ZNF510: variants seen among roughly 807,000 people sequenced by gnomAD.
The protein encoded by ZNF510 is zinc finger protein 510.
ZNF510 carries 15 observed loss-of-function variants against 18.1 expected under a neutral mutation model. That is an observed-to-expected ratio of 0.83 (90% confidence interval 0.55 to 1.28). The LOEUF (loss-of-function observed/expected upper bound fraction) is 1.28, where lower values mean the gene tolerates loss of function less well. Ranked by LOEUF, ZNF510 falls within the 50% of genes most tolerant of loss-of-function variation. The pLI is 0.00. For synonymous variants in ZNF510, 261 were observed against 266.4 expected (o/e 0.98, Z 0.20); for missense variants, 724 against 791.8 (o/e 0.91, Z 1.03).
rs188567818 is a variant in ZNF510, at chr9:96,757,787, A to T, written c.*991T>A. On this transcript the variant is annotated 3_prime_UTR_variant, in exon 6 of 6. Coordinates refer to ENST00000223428, the MANE Select transcript of ZNF510 (RefSeq NM_014930.3). Reference sequence around the variant, plus strand: ...GACTAATAATGGAATAATTACAACAACATGCCAGAAATGCTCTTGCAATTT... The same window carrying T: ...GACTAATAATGGAATAATTACAACATCATGCCAGAAATGCTCTTGCAATTT... The T allele has an allele frequency of 6.6e-6, 1 of 151,178 alleles. No individual in the cohort carries two copies. Among genetic ancestry groups the T allele is most frequent in the Non-Finnish European group, 1.5e-5 (1 of 68,042 alleles). 9.4% of individuals were successfully genotyped at this position (151,178 alleles called of 1,614,324 possible).
chr9:96,774,379 A>T (rs1274282756), intron 3 of ZNF510, among the ~76,000 whole-genome samples: 1 of 152,256 alleles, frequency 6.6e-6, no homozygotes, highest in African/African-American at 2.4e-5. Flanking sequence ...TCCACTGAGG[A>T]AAAAGCAGAA....
intron 3 of ZNF510, among the ~76,000 whole-genome samples, chr9:96,770,724 T>G (rs1455852832): frequency 6.6e-6 from 1 of 152,100 alleles, no homozygotes; most frequent in Non-Finnish European, 1.5e-5. Context: ...TACTTGTTGT[T>G]TAGGGCTGAG....
At chr9:96,765,722 A>G (rs34494713) in intron 3 of ZNF510, among the ~76,000 whole-genome samples, 1 of 152,132 alleles carries the variant, frequency 6.6e-6, no homozygotes. Context: ...CATGTTGGCC[A>G]TGATGGTCTC....
chr9:96,757,627 A>C lies in ZNF510; in HGVS notation c.*1151T>G, dbSNP rs952226252. On this transcript the variant is annotated 3_prime_UTR_variant, in exon 6 of 6. Coordinates refer to ENST00000223428, the MANE Select transcript of ZNF510 (RefSeq NM_014930.3). ...CAGTAGTCCCTGCTTAACTACAAGGAATGCTCTCCAAGAATTCCAAGTTGA... is the reference window on the plus strand; with the variant it reads ...CAGTAGTCCCTGCTTAACTACAAGGCATGCTCTCCAAGAATTCCAAGTTGA... 1.3e-5 allele frequency: 2 copies of C among 152,228 alleles called. No individual in the cohort carries two copies. The highest frequency in any genetic ancestry group is 3.8e-4 in the East Asian group (2 of 5,204). 9.4% of individuals were successfully genotyped at this position (152,228 alleles called of 1,614,324 possible). A position where few individuals can be genotyped will look rare whatever the true frequency, so the allele number is the denominator to read the frequency against.
Position 96,759,646 on chromosome 9 carries a change from C to T in ZNF510, c.1184G>A (p.Arg395Gln), listed in dbSNP as rs369531806. 31 of 1,613,510 alleles carry T rather than the reference C, an allele frequency of 1.9e-5. 1 individual carries two copies. The highest frequency in any genetic ancestry group is 1.3e-4 in the South Asian group (12 of 91,086). ...SYQTSVHRVRRRSHSMMKPYK... is the reference protein window; with the variant it reads ...SYQTSVHRVRQRSHSMMKPYK... ...GGGTTTCATCATTGAGTGACTTCTT[C>T]GGCGAACTCTGTGAACCGACGTCTG... Residue 395 changes from arginine (R) to glutamine (Q), a missense_variant, in exon 6 of 6, where the codon CGA (arginine) becomes CAA (glutamine). Physicochemically the swap from Arg to Gln is conservative, Grantham distance 43 (BLOSUM62 1). Coordinates refer to ENST00000223428, the MANE Select transcript of ZNF510 (RefSeq NM_014930.3).
intron 5 of ZNF510, among the ~76,000 whole-genome samples, chr9:96,761,163 G>A (rs1305262699): frequency 1.3e-5 from 2 of 152,144 alleles, no homozygotes; most frequent in Non-Finnish European, 2.9e-5. Context: ...TAACTTAGAT[G>A]CACTGCTCCA....
chr9:96,774,913 C>T lies in ZNF510; in HGVS notation c.71-67G>A, dbSNP rs1231180310. 4.3e-6 allele frequency: 6 copies of T among 1,408,932 alleles called. No individual in the cohort carries two copies. In the African/African-American group the frequency reaches 7.1e-5, roughly 17 times the overall value. The allele number at this position is 1,408,932 out of a possible 1,614,324, so 87.3% of individuals were successfully genotyped here. ...CATCTTACCTGCCTACCAATGTCATCACACCAGCTGGGGAAAAAGGCCTCT... is the reference window on the plus strand; with the variant it reads ...CATCTTACCTGCCTACCAATGTCATTACACCAGCTGGGGAAAAAGGCCTCT... On this transcript the variant is annotated intron_variant, in intron 2 of 5. Coordinates refer to ENST00000223428, the MANE Select transcript of ZNF510 (RefSeq NM_014930.3).
intron 3 of ZNF510, among the ~76,000 whole-genome samples, chr9:96,771,009 C>T (rs916570413): frequency 2.0e-5 from 3 of 152,098 alleles, no homozygotes; most frequent in Non-Finnish European, 2.9e-5. Flanking sequence ...AAACCAGGCA[C>T]AAGAAAAACT....
intron 5 of ZNF510, among the ~76,000 whole-genome samples, chr9:96,760,841 TA>T (rs1849330528): frequency 6.6e-6 from 1 of 152,036 alleles, no homozygotes; most frequent in Admixed American, 6.5e-5. Context: ...TAAATGTAAG[TA>T]GTATAACAAG....
intron 3 of ZNF510, among the ~76,000 whole-genome samples, chr9:96,766,399 A>G (rs553655295): frequency 2.0e-5 from 3 of 150,458 alleles, no homozygotes; most frequent in Admixed American, 1.3e-4. Flanking sequence ...TTTTGTAAAT[A>G]AAGTTTTCTT....
intron 1 of ZNF510, among the ~76,000 whole-genome samples, chr9:96,776,946 A>T (rs1189454163): frequency 6.6e-6 from 1 of 152,248 alleles, no homozygotes; most frequent in East Asian, 1.9e-4. Flanking sequence ...ACTACTGAGC[A>T]CTGGAAATGT....
intron 1 of ZNF510, among the ~76,000 whole-genome samples, chr9:96,776,835 C>T (rs75775445): frequency 0.029 from 4,482 of 152,176 alleles, 240 homozygotes; most frequent in African/African-American, 0.1. Context: ...CCCTAGGGAG[C>T]AAAATCCTCC....
intron 3 of ZNF510, among the ~76,000 whole-genome samples, chr9:96,767,777 A>ATGTT (rs1378750783): frequency 6.6e-6 from 1 of 152,168 alleles, no homozygotes; most frequent in African/African-American, 2.4e-5. Flanking sequence ...CTGTCTTTAA[A>ATGTT]TGTTTGGTGA....
intron 4 of ZNF510, 46 bp from the exon 5 acceptor site, chr9:96,763,259 T>C: frequency 6.3e-7 from 1 of 1,587,094 alleles, no homozygotes; most frequent in South Asian, 1.1e-5. Flanking sequence ...TATATGAGAT[T>C]TTAGTCTCCA....
chr9:96,767,102 C>T (rs558707869), intron 3 of ZNF510, among the ~76,000 whole-genome samples: 12 of 152,030 alleles, frequency 7.9e-5, no homozygotes, highest in East Asian at 3.9e-4. Context: ...CTGAGGCAGG[C>T]GAATCACTTG....
At chr9:96,768,701 A>T (rs1849526903) in intron 3 of ZNF510, among the ~76,000 whole-genome samples, 3 of 152,212 alleles carry the variant, frequency 2.0e-5, no homozygotes, top group Admixed American at 1.3e-4. Flanking sequence ...GGACCCAAAT[A>T]AATGGAAAGA....
In ZNF510 at chr9:96,763,180, T is replaced by C; in HGVS notation, c.290A>G (p.Lys97Arg). The C allele has an allele frequency of 4.3e-6, 7 of 1,614,070 alleles. No homozygotes were observed. The highest frequency in any genetic ancestry group is 5.9e-6 in the Non-Finnish European group (7 of 1,179,972). The change falls in exon 5 of 6, where the codon AAG (lysine) becomes AGG (arginine). Residue 97 changes from lysine to arginine, a missense_variant. Coordinates refer to ENST00000223428, the MANE Select transcript of ZNF510 (RefSeq NM_014930.3). The stretch of plus-strand genomic sequence containing the variant: ...CCAAGGCTCCTCTCCTTGCTCCAAC[T>C]TGAAGATCACCTCTGGTTTGAAACA... Reference protein sequence around the residue: ...YCCFKPEVIFKLEQGEEPWFS... With the variant: ...YCCFKPEVIFRLEQGEEPWFS...
At chr9:96,771,001 A>C (rs991334927) in intron 3 of ZNF510, among the ~76,000 whole-genome samples, 3 of 152,180 alleles carry the variant, frequency 2.0e-5, no homozygotes, top group Admixed American at 1.3e-4. Context: ...ATGAGCAAAA[A>C]CCAGGCACAA....
chr9:96,764,644 TAAAGA>T lies in ZNF510; in HGVS notation c.130-1017_130-1013del, dbSNP rs535573318. Among the ~76,000 whole-genome samples, 363 of 152,142 alleles carry T rather than the reference TAAAGA, an allele frequency of 2.4e-3. 3 individuals are homozygous for T. Among genetic ancestry groups the T allele is most frequent in the African/African-American group, 8.3e-3 (343 of 41,488 alleles). Reference sequence around the variant, plus strand: ...CATTCTCTGGACTAAATAATAGTATTAAAGAAAAGATAAAGTATAATACAACAACA... The same window carrying T: ...CATTCTCTGGACTAAATAATAGTATTAAAGATAAAGTATAATACAACAACA... On this transcript the variant is annotated intron_variant, in intron 3 of 5. Transcript: ENST00000223428.
Sources: allele counts gnomAD v4.1 joint callset (sites outside exome capture counted in the v4.1 genomes callset), GRCh38; gene constraint gnomAD v4.1.1; transcripts MANE v1.5; gene names NCBI Gene and HGNC (gene_info 2026-07-23, HGNC 2026-07-21).